KIAA1217: variants seen among roughly 807,000 people sequenced by gnomAD.
KIAA1217 encodes sickle tail protein homolog.
Under a neutral mutation model 163.9 loss-of-function variants are expected in KIAA1217, and 88 were observed. That is an observed-to-expected ratio of 0.54 (90% CI 0.45 to 0.64). KIAA1217 has a LOEUF of 0.64. KIAA1217 is among the 30% of genes least tolerant of loss of function. KIAA1217 has a pLI of 0.00. For synonymous variants in KIAA1217, 903 were observed against 923.1 expected (o/e 0.98, Z 0.39); for missense variants, 2,372 against 2,475.0 (o/e 0.96, Z 0.88).
At chr10:24,530,025 G>C (rs1207522463) in intron 14 of KIAA1217, among the ~76,000 whole-genome samples, 1 of 151,968 alleles carries the variant, frequency 6.6e-6, no homozygotes, top group Non-Finnish European at 1.5e-5. Context: ...TCGAACTCCT[G>C]ACCTCAGGTG....
intron 1 of KIAA1217, among the ~76,000 whole-genome samples, chr10:23,924,674 G>A (rs1183351229): frequency 5.9e-5 from 9 of 152,188 alleles, no homozygotes; most frequent in South Asian, 4.1e-4. Context: ...TGCCTCCAGC[G>A]CTTTTTCTCC....
At chr10:23,861,893 G>T (rs1839968964) in intron 1 of KIAA1217, among the ~76,000 whole-genome samples, 2 of 152,164 alleles carry the variant, frequency 1.3e-5, no homozygotes, top group South Asian at 4.1e-4. Context: ...GAGCCACCAG[G>T]ACTTCTGACC....
intron 2 of KIAA1217, among the ~76,000 whole-genome samples, chr10:24,134,869 G>A (rs901900929): frequency 3.9e-5 from 6 of 152,078 alleles, no homozygotes; most frequent in East Asian, 1.9e-4. Flanking sequence ...GAGCTACCAC[G>A]CCCAGCTGAG....
At chr10:23,750,863 T>A (rs1040178141) in intron 1 of KIAA1217, among the ~76,000 whole-genome samples, 3 of 152,104 alleles carry the variant, frequency 2.0e-5, no homozygotes, top group Admixed American at 6.5e-5. Context: ...AGGAAAAATA[T>A]AGATTTTAGT....
At chr10:24,157,186 CTT>C (rs2064915634) in intron 2 of KIAA1217, among the ~76,000 whole-genome samples, 1 of 152,178 alleles carries the variant, frequency 6.6e-6, no homozygotes, top group South Asian at 2.1e-4. Context: ...TATGATTAGT[CTT>C]TTTAATTTTA....
chr10:23,810,593 G>T (rs1397008441), intron 1 of KIAA1217, among the ~76,000 whole-genome samples: 1 of 120,866 alleles, frequency 8.3e-6, no homozygotes, highest in East Asian at 2.3e-4. Context: ...TATATATAGT[G>T]TGTATATATA....
At chr10:24,256,387 C>T (rs1194747910) in intron 2 of KIAA1217, among the ~76,000 whole-genome samples, 17 of 152,278 alleles carry the variant, frequency 1.1e-4, no homozygotes, top group Middle Eastern at 6.8e-3. Context: ...GAAGAGACTT[C>T]GCCAAAGCCC....
intron 2 of KIAA1217, among the ~76,000 whole-genome samples, chr10:24,064,795 CTTAA>C (rs980836052): frequency 6.6e-6 from 1 of 152,010 alleles, no homozygotes; most frequent in Non-Finnish European, 1.5e-5. Flanking sequence ...TTAGTAAGCT[CTTAA>C]TTATTGCCCC....
chr10:24,533,918 C>T (rs140059344), intron 16 of KIAA1217, among the ~76,000 whole-genome samples: 17 of 152,338 alleles, frequency 1.1e-4, no homozygotes, highest in Middle Eastern at 3.4e-3. Context: ...GATTCTACCC[C>T]AGGTCTATGT....
At chr10:24,544,701 G>T (rs1478903612) in intron 19 of KIAA1217, among the ~76,000 whole-genome samples, 1 of 151,640 alleles carries the variant, frequency 6.6e-6, no homozygotes, top group Admixed American at 6.6e-5. Context: ...TTTTGCCTCT[G>T]TTGCTGACTG....
intron 2 of KIAA1217, among the ~76,000 whole-genome samples, chr10:24,074,186 T>C (rs1293822591): frequency 6.6e-6 from 1 of 152,048 alleles, no homozygotes; most frequent in East Asian, 1.9e-4. Context: ...CCATCTCTAC[T>C]AAAAATACAA....
At chr10:23,825,013 C>T (rs1394306481) in intron 1 of KIAA1217, among the ~76,000 whole-genome samples, 1 of 152,100 alleles carries the variant, frequency 6.6e-6, no homozygotes. Context: ...TTATCGGGAA[C>T]ATCTGCTCCA....
At position 23,950,507 on chromosome 10, in the gene KIAA1217, C is replaced by T. The variant is rs907561221; in HGVS notation, c.-320-56718C>T. Among the ~76,000 whole-genome samples the T allele has an allele frequency of 3.3e-5, 5 of 151,534 alleles. 1 individual carries two copies. The South Asian group carries it at 8.3e-4, about 25-fold the overall frequency. ...GGATACGGGAGGGGAAAAAAAAACA[C>T]GTATTGAGCACGAAAATTGGGCCGG... On this transcript the variant is annotated intron_variant, in intron 1 of 18. Coordinates refer to the KIAA1217 transcript ENST00000376462.
intron 2 of KIAA1217, among the ~76,000 whole-genome samples, chr10:24,307,841 A>G (rs755254517): frequency 5.3e-5 from 8 of 152,182 alleles, no homozygotes; most frequent in Admixed American, 1.3e-4. Context: ...CCAGCATGCT[A>G]GAGCAGGCAT....
intron 1 of KIAA1217, among the ~76,000 whole-genome samples, chr10:23,937,619 G>C (rs542462834): frequency 6.6e-6 from 1 of 152,206 alleles, no homozygotes; most frequent in South Asian, 2.1e-4. Context: ...CTGAGAAGAG[G>C]CTCCATAGAA....
intron 2 of KIAA1217, among the ~76,000 whole-genome samples, chr10:24,055,629 T>C (rs980361681): frequency 1.3e-5 from 2 of 152,196 alleles, no homozygotes; most frequent in African/African-American, 4.8e-5. Flanking sequence ...AATGGAGTTT[T>C]CTGGTTTTGA....
intron 1 of KIAA1217, among the ~76,000 whole-genome samples, chr10:23,941,574 A>G (rs1843768753): frequency 6.6e-6 from 1 of 152,162 alleles, no homozygotes; most frequent in African/African-American, 2.4e-5. Context: ...TGTCACAGTG[A>G]CTGGAAATTG....
At chr10:23,824,537 A>G (rs1201538203) in intron 1 of KIAA1217, among the ~76,000 whole-genome samples, 2 of 144,090 alleles carry the variant, frequency 1.4e-5, no homozygotes, top group Non-Finnish European at 3.0e-5. Flanking sequence ...CTGAGGCAGG[A>G]GAATTGCTTG....
At chr10:23,955,766 T>A (rs562428277) in intron 1 of KIAA1217, among the ~76,000 whole-genome samples, 8 of 152,338 alleles carry the variant, frequency 5.3e-5, no homozygotes, top group African/African-American at 1.9e-4. Context: ...ATAATCCTTT[T>A]AAATTGATTA....
Sources: allele counts gnomAD v4.1 joint callset (sites outside exome capture counted in the v4.1 genomes callset), GRCh38; gene constraint gnomAD v4.1.1; transcripts MANE v1.5; gene names NCBI Gene and HGNC (gene_info 2026-07-23, HGNC 2026-07-21).